SNRNP200: variants seen among roughly 807,000 people sequenced by gnomAD.
SNRNP200 encodes U5 small nuclear ribonucleoprotein 200 kDa helicase.
Under a neutral mutation model 255.2 loss-of-function variants are expected in SNRNP200, and 66 were observed. The observed-to-expected ratio is 0.26, with a 90% CI of 0.21 to 0.32. SNRNP200 has a LOEUF of 0.32. SNRNP200 is among the 10% of genes least tolerant of loss of function. SNRNP200 has a pLI of 1.00. For missense variants in SNRNP200, 1,585 were observed against 2,749.8 expected, an observed-to-expected ratio of 0.58 and a Z score of 9.47; for synonymous variants, 939 against 1,027.8, an observed-to-expected ratio of 0.91 and a Z score of 1.65.
intron 34 of SNRNP200, chr2:96,282,262 G>A (rs1173846665): frequency 1.6e-5 from 5 of 318,094 alleles, no homozygotes; most frequent in Non-Finnish European, 2.5e-5. Context: ...AGCCATGCCA[G>A]CAAAACAGAG....
chr2:96,285,015 G>T (rs928292044), intron 30 of SNRNP200, 165 bp downstream of exon 30: 1 of 806,470 alleles, frequency 1.2e-6, no homozygotes, highest in South Asian at 1.4e-5. Context: ...CTCCCAAAGT[G>T]CTGGGATTAC....
intron 8 of SNRNP200, 57 bp downstream of exon 8, chr2:96,298,546 T>G (rs980873961): frequency 5.6e-6 from 9 of 1,601,418 alleles, no homozygotes; most frequent in Middle Eastern, 1.7e-4. Flanking sequence ...AGAATCTCTA[T>G]GTCACACATG....
intron 7 of SNRNP200, 55 bp from the exon 8 acceptor site, chr2:96,298,757 C>T (rs943449838): frequency 6.8e-6 from 11 of 1,613,492 alleles, no homozygotes; most frequent in Admixed American, 3.3e-5. Flanking sequence ...CCACTTCATA[C>T]GCTGTCCCCA....
rs1343068940 is a variant in SNRNP200, at chr2:96,276,966, G to C, written c.6112C>G (p.Leu2038Val). The C allele has an allele frequency of 1.2e-6, 2 of 1,613,860 alleles. No homozygotes were observed. The highest frequency in any genetic ancestry group is 2.7e-5 in the African/African-American group (2 of 74,932). The change falls in exon 43 of 45, where the codon CTG (leucine) becomes GTG (valine). Residue 2038 changes from leucine (L) to valine (V), a missense_variant. By Grantham distance (32) the Leu-to-Val change is conservative (BLOSUM62 1). Around this residue, in one of 9 missense-constraint regions of SNRNP200, gnomAD observed 279 missense variants for 551.2 expected, o/e 0.51. Coordinates refer to ENST00000323853, the MANE Select transcript of SNRNP200 (RefSeq NM_014014.5). ...TCCTCCTCTCGCTCCAGCTGCACCA[G>C]CACCACAACTGGCCCGCCACTGCAG... ...SIRSGGPVVVLVQLEREEEVT... is the reference protein window; with the variant it reads ...SIRSGGPVVVVVQLEREEEVT...
In SNRNP200 at chr2:96,291,473, A is replaced by G. The variant is rs1158989221; in HGVS notation, c.2340T>C (p.Tyr780=). The G allele has an allele frequency of 3.7e-6, 6 of 1,612,832 alleles. No homozygotes were observed. Among genetic ancestry groups the G allele is most frequent in the South Asian group, 2.2e-5 (2 of 91,070 alleles). Residue 780 remains tyrosine, a synonymous_variant, in exon 18 of 45, where the codon TAT becomes TAC. Coordinates refer to ENST00000323853, the MANE Select transcript of SNRNP200 (RefSeq NM_014014.5). This position sits in a 1 kb window ranked among gnomAD's most constrained non-coding sequence, Gnocchi z 4.2. ...TGCCTGCGTGATGAATAGCAAAGCCATAAGGCAGAAGATCCTTCAGCTCTA... is the reference window on the plus strand; with the variant it reads ...TGCCTGCGTGATGAATAGCAAAGCCGTAAGGCAGAAGATCCTTCAGCTCTA... The part of the protein sequence containing the change: ...KNLELKDLLP[Y]GFAIHHAGMT...
intron 3 of SNRNP200, among the ~76,000 whole-genome samples, chr2:96,302,392 C>A (rs1016219617): frequency 5.3e-5 from 8 of 152,350 alleles, no homozygotes; most frequent in Admixed American, 3.3e-4. Context: ...CTCTCCCTTT[C>A]TGACACATGG....
Position 96,278,131 on chromosome 2 carries a change from C to CG in SNRNP200, c.5610+105dup. 6.4e-7 allele frequency: 1 copy of CG among 1,572,504 alleles called. No individual in the cohort carries two copies. ...GAGCGGGAGGACATATGGCGGGGGT[C>CG]GGGGGATGCGTATGGGCGTGTTGGT... On this transcript the variant is annotated intron_variant, in intron 39 of 44. Transcript: ENST00000323853. The surrounding 1 kb of genome is among the most constrained non-coding windows in gnomAD (Gnocchi z 6.9).
At position 96,291,350 on chromosome 2, in the gene SNRNP200, G is replaced by T; in HGVS notation, c.2421+42C>A. 1 of 1,096,078 alleles carries T rather than the reference G, an allele frequency of 9.1e-7. No homozygotes were observed. The allele number at this position is 1,096,078 out of a possible 1,614,324, so 67.9% of individuals were successfully genotyped here. On this transcript the variant is annotated intron_variant, in intron 18 of 44. Transcript: ENST00000323853. This position sits in a 1 kb window ranked among gnomAD's most constrained non-coding sequence, Gnocchi z 4.2. ...AACTTGACATTGCCCATCTTCTGAA[G>T]TATGTCCCACCTGCTCCTCCAAACG... is the stretch of plus-strand genomic sequence containing the variant.
chr2:96,284,852 C>T (rs1573992469), intron 30 of SNRNP200: 2 of 531,888 alleles, frequency 3.8e-6, no homozygotes, highest in Non-Finnish European at 6.8e-6. Context: ...CGGGTTCAAG[C>T]GATTCTCCTG....
intron 34 of SNRNP200, 54 bp from the exon 35 acceptor site, chr2:96,281,976 G>T: frequency 7.3e-7 from 1 of 1,371,282 alleles, no homozygotes. Context: ...GGGTGAAGTA[G>T]GCTCACTGCC....
rs144840027 is a variant in SNRNP200 at position 96,285,228 on chromosome 2, C to T, written c.4116G>A (p.Ser1372=). 1.4e-5 allele frequency: 22 copies of T among 1,614,058 alleles called. No individual in the cohort carries two copies. The highest frequency in any genetic ancestry group is 1.6e-4 in the Middle Eastern group (1 of 6,084). Residue 1372 remains serine (S), a synonymous_variant, in exon 30 of 45, where the codon TCG becomes TCA. Coordinates refer to ENST00000323853, the MANE Select transcript of SNRNP200 (RefSeq NM_014014.5). Reference sequence around the variant, plus strand: ...GGGTGATGTACACACAGCGCCCCTCCGAGCTCTGCAGCAGCATTCGCAGGA... The same window carrying T: ...GGGTGATGTACACACAGCGCCCCTCTGAGCTCTGCAGCAGCATTCGCAGGA... ...FAILRMLLQS[S]EGRCVYITPM...
Position 96,278,169 on chromosome 2 carries a change from A to AT in SNRNP200, c.5610+67dup. 7 of 1,612,018 alleles carry AT rather than the reference A, an allele frequency of 4.3e-6. No homozygotes were observed. The highest frequency in any genetic ancestry group is 5.9e-6 in the Non-Finnish European group (7 of 1,178,646). On this transcript the variant is annotated intron_variant, in intron 39 of 44. Coordinates refer to ENST00000323853, the MANE Select transcript of SNRNP200 (RefSeq NM_014014.5). This position sits in a 1 kb window ranked among gnomAD's most constrained non-coding sequence, Gnocchi z 6.9. ...TGGGCGTGTTGGTGGCAGGGATGCC[A>AT]TGTGCTCTGGGCACACAGGCCGAGT...
At chr2:96,279,075 A>T in intron 36 of SNRNP200, 77 bp from the exon 37 acceptor site, 1 of 1,193,750 alleles carries the variant, frequency 8.4e-7, no homozygotes, top group Non-Finnish European at 1.2e-6. Context: ...GCAAATCAAC[A>T]GGGCATGGTC....
In SNRNP200 at chr2:96,277,035, G is replaced by C; in HGVS notation, c.6092+46C>G. ...CGTCAGTGATGGGGCAGTGGGCTCA[G>C]AGCACACTATTATGCTGTGCCCAAC... On this transcript the variant is annotated intron_variant, in intron 42 of 44. Transcript: ENST00000323853. This position sits in a 1 kb window ranked among gnomAD's most constrained non-coding sequence, Gnocchi z 4.4. 6.2e-7 allele frequency: 1 copy of C among 1,614,044 alleles called. No homozygotes were observed. The highest frequency in any genetic ancestry group is 1.1e-5 in the South Asian group (1 of 91,074).
At position 96,290,299 on chromosome 2, in the gene SNRNP200, G is replaced by T; in HGVS notation, c.2742+27C>A. The T allele has an allele frequency of 6.2e-7, 1 of 1,611,968 alleles. No homozygotes were observed. Among genetic ancestry groups the T allele is most frequent in the Non-Finnish European group, 8.5e-7 (1 of 1,178,972 alleles). ...GCCTTGGTGTCTGCGGGGAAAGCAT[G>T]AAGCACAACAAGCAGTCCTCCCCTA... On this transcript the variant is annotated intron_variant, in intron 20 of 44. Transcript: ENST00000323853. This position sits in a 1 kb window ranked among gnomAD's most constrained non-coding sequence, Gnocchi z 4.5.
chr2:96,300,986 T>A lies in SNRNP200; in HGVS notation c.630+12A>T, dbSNP rs199521556. 6.2e-7 allele frequency: 1 copy of A among 1,612,026 alleles called. No individual in the cohort carries two copies. ...CAAAAACAAGAATGGACTGGGTATG[T>A]TTATCACTCACCTCCTCATCAGACT... On this transcript the variant is annotated intron_variant, in intron 5 of 44. Transcript: ENST00000323853.
At chr2:96,280,696 C>T (rs569737675) in intron 35 of SNRNP200, among the ~76,000 whole-genome samples, 12 of 150,026 alleles carry the variant, frequency 8.0e-5, no homozygotes, top group East Asian at 6.0e-4. Context: ...ATTACAGGCG[C>T]GTGCCACCAC....
intron 22 of SNRNP200, 48 bp from the exon 23 acceptor site, chr2:96,289,165 G>A: frequency 1.9e-6 from 3 of 1,613,738 alleles, no homozygotes; most frequent in Middle Eastern, 3.3e-4. Context: ...GGCCGAGGAG[G>A]GACACCATTC....
At position 96,283,494 on chromosome 2, in the gene SNRNP200, C is replaced by T. The variant is rs1370676210; in HGVS notation, c.4763+41G>A. ...ACACCCTTGGAGTAGGCCAGCCTCA[C>T]TTAACCTAACCCCAACCCCCAGACG... On this transcript the variant is annotated intron_variant, in intron 33 of 44. Transcript: ENST00000323853. The surrounding 1 kb of genome is among the most constrained non-coding windows in gnomAD (Gnocchi z 4.7). 1 of 1,613,900 alleles carries T rather than the reference C, an allele frequency of 6.2e-7. No homozygotes were observed. The highest frequency in any genetic ancestry group is 8.5e-7 in the Non-Finnish European group (1 of 1,179,996).
Sources: gnomAD v4.1 joint callset for allele counts (sites outside exome capture counted in the v4.1 genomes callset) on GRCh38, gnomAD v4.1.1 for gene constraint, gnomAD v4.1.1 regional missense constraint, Gnocchi (gnomAD v3.1) non-coding constraint, MANE v1.5 for transcripts, NCBI Gene and HGNC (gene_info 2026-07-23, HGNC 2026-07-21) for gene names.